Variants in CYP2C19 observed in about 807,000 individuals in gnomAD.
CYP2C19 encodes the protein cytochrome P450 2C19.
Under a neutral mutation model 40.9 loss-of-function variants are expected in CYP2C19, and 59 were observed. The observed-to-expected ratio is 1.44, with a 90% CI of 1.17 to 1.79. The LOEUF is 1.79. Ranked by LOEUF, CYP2C19 falls within the 40% of genes most tolerant of loss-of-function variation. The pLI is 0.00. For missense variants in CYP2C19, 754 were observed against 596.9 expected, an observed-to-expected ratio of 1.26 and a Z score of -2.74; for synonymous variants, 253 against 208.7, an observed-to-expected ratio of 1.21 and a Z score of -1.83.
intron 5 of CYP2C19, among the ~76,000 whole-genome samples, chr10:94,801,195 T>C (rs1332287752): frequency 6.6e-6 from 1 of 152,230 alleles, no homozygotes; most frequent in Non-Finnish European, 1.5e-5. Context: ...AGGATGCTGA[T>C]TTTAGATCTT....
intron 6 of CYP2C19, among the ~76,000 whole-genome samples, chr10:94,823,818 A>G (rs1233796633): frequency 1.3e-5 from 2 of 152,216 alleles, no homozygotes; most frequent in African/African-American, 2.4e-5. Flanking sequence ...TGCTTAATTC[A>G]AATGCCTGAA....
chr10:94,830,588 A>G (rs1849318175), intron 6 of CYP2C19, among the ~76,000 whole-genome samples: 1 of 152,220 alleles, frequency 6.6e-6, no homozygotes, highest in African/African-American at 2.4e-5. Context: ...CGGGTACCTC[A>G]GATGGAAATG....
intron 6 of CYP2C19, among the ~76,000 whole-genome samples, chr10:94,838,809 G>A (rs1849445842): frequency 6.6e-6 from 1 of 152,048 alleles, no homozygotes; most frequent in Non-Finnish European, 1.5e-5. Context: ...CACTCCATTT[G>A]CCTTTTTCCT....
At position 94,775,295 on chromosome 10, in the gene CYP2C19, C is replaced by A. The variant is rs17887022; in HGVS notation, c.331+75C>A. ...TGGAAAACAGACTAGCAGAGCTTCT[C>A]GGGCAGAGCTTGGCCCATCCACATG... On this transcript the variant is annotated intron_variant, in intron 2 of 8. Coordinates refer to ENST00000371321, the MANE Select transcript of CYP2C19 (RefSeq NM_000769.4). 19 of 1,612,600 alleles carry A rather than the reference C, an allele frequency of 1.2e-5. No individual in the cohort carries two copies. The Middle Eastern group carries it at 8.2e-4, about 69-fold the overall frequency.
rs781265742 is a variant in CYP2C19 at position 94,781,914 on chromosome 10, G to C, written c.736G>C (p.Glu246Gln). 95 of 1,499,602 alleles carry C rather than the reference G, an allele frequency of 6.3e-5. No homozygotes were observed. The highest frequency in any genetic ancestry group is 8.2e-5 in the Non-Finnish European group (93 of 1,136,026). 92.9% of individuals were successfully genotyped at this position (1,499,602 alleles called of 1,614,324 possible). The change falls in exon 5 of 9, where the codon GAG becomes CAG. Residue 246 changes from glutamate to glutamine, a missense_variant. Glu to Gln is a conservative substitution (Grantham distance 29). Transcript: ENST00000371321. ...TGCTTTTATGGAAAGTGATATTTTGGAGAAAGTAAAAGAACACCAAGAATC... is the reference window on the plus strand; with the variant it reads ...TGCTTTTATGGAAAGTGATATTTTGCAGAAAGTAAAAGAACACCAAGAATC... ...NLAFMESDIL[E>Q]KVKEHQESMD...
At chr10:94,808,306 G>T (rs143675394) in intron 5 of CYP2C19, among the ~76,000 whole-genome samples, 1 of 151,992 alleles carries the variant, frequency 6.6e-6, no homozygotes, top group Non-Finnish European at 1.5e-5. Context: ...ATGTTTCTGG[G>T]TACACAGAAG....
Position 94,853,375 on chromosome 10 carries a change from G to A in CYP2C19, c.*461G>A, listed in dbSNP as rs939675478. Among the ~76,000 whole-genome samples, 1 of 152,178 alleles carries A rather than the reference G, an allele frequency of 6.6e-6. No individual in the cohort carries two copies. Among genetic ancestry groups the A allele is most frequent in the Non-Finnish European group, 1.5e-5 (1 of 68,044 alleles). ...AACGATAAGGACAGAAAGGACAAAGGTGAAGATGGTAGGGAAGCTATTTTG... is the reference window on the plus strand; with the variant it reads ...AACGATAAGGACAGAAAGGACAAAGATGAAGATGGTAGGGAAGCTATTTTG... On this transcript the variant is annotated 3_prime_UTR_variant, in exon 9 of 9. Transcript: ENST00000371321.
chr10:94,786,466 G>T (rs985376683), intron 5 of CYP2C19, among the ~76,000 whole-genome samples: 7 of 151,994 alleles, frequency 4.6e-5, no homozygotes, highest in African/African-American at 1.2e-4. Context: ...CTTAAATTTT[G>T]TATTTAGTTA....
intron 7 of CYP2C19, among the ~76,000 whole-genome samples, chr10:94,846,373 G>A (rs1036269870): frequency 6.6e-6 from 1 of 152,176 alleles, no homozygotes; most frequent in Non-Finnish European, 1.5e-5. Context: ...AATCACAGTG[G>A]TGAGGCAGAG....
intron 3 of CYP2C19, chr10:94,776,277 CTG>C (rs1380315947): frequency 1.3e-5 from 2 of 151,954 alleles, no homozygotes; most frequent in Admixed American, 6.6e-5. Context: ...TTAGTAATAA[CTG>C]TAATTTTTAT....
intron 6 of CYP2C19, among the ~76,000 whole-genome samples, chr10:94,836,133 C>T (rs936021951): frequency 2.0e-5 from 3 of 152,212 alleles, no homozygotes; most frequent in Non-Finnish European, 4.4e-5. Flanking sequence ...GTAATAGAGC[C>T]TGATATTTAA....
chr10:94,832,056 A>C (rs1190801473), intron 6 of CYP2C19, among the ~76,000 whole-genome samples: 2 of 152,126 alleles, frequency 1.3e-5, no homozygotes, highest in Non-Finnish European at 2.9e-5. Flanking sequence ...TTAAGTTTTT[A>C]ATCCATTTTG....
In CYP2C19 at chr10:94,792,945, G is replaced by A. The variant is rs1283068362; in HGVS notation, c.819+10948G>A. On this transcript the variant is annotated intron_variant, in intron 5 of 8. Coordinates refer to ENST00000371321, the MANE Select transcript of CYP2C19 (RefSeq NM_000769.4). ...GTTCTCCTGGATAATATTCTGAAGA[G>A]TGTTTTCCAACTTGGTTCCATTCTC... 5.3e-5 allele frequency among the ~76,000 whole-genome samples: 8 copies of A among 152,272 alleles called. 1 individual carries two copies. Among genetic ancestry groups the A allele is most frequent in the Admixed American group, 5.2e-4 (8 of 15,296 alleles).
intron 6 of CYP2C19, among the ~76,000 whole-genome samples, chr10:94,838,652 A>T (rs1849442560): frequency 6.6e-6 from 1 of 151,962 alleles, no homozygotes; most frequent in Non-Finnish European, 1.5e-5. Flanking sequence ...GTTTGTGTTG[A>T]AGGGGGATCC....
chr10:94,766,371 C>A (rs770933625), intron 1 of CYP2C19, among the ~76,000 whole-genome samples: 1 of 151,880 alleles, frequency 6.6e-6, no homozygotes, highest in Non-Finnish European at 1.5e-5. Flanking sequence ...AGATGGTGCT[C>A]TGGAAGATGA....
intron 3 of CYP2C19, among the ~76,000 whole-genome samples, chr10:94,776,915 C>T (rs1848414588): frequency 6.6e-6 from 1 of 152,052 alleles, no homozygotes; most frequent in African/African-American, 2.4e-5. Flanking sequence ...TTGTCTCATC[C>T]CCAAAACTGT....
intron 6 of CYP2C19, among the ~76,000 whole-genome samples, chr10:94,823,902 C>A (rs980317310): frequency 6.6e-6 from 1 of 152,150 alleles, no homozygotes; most frequent in African/African-American, 2.4e-5. Flanking sequence ...GGGAGGCTGC[C>A]TTGCACCAGG....
At chr10:94,773,470 G>C (rs528812583) in intron 1 of CYP2C19, among the ~76,000 whole-genome samples, 9 of 152,116 alleles carry the variant, frequency 5.9e-5, no homozygotes, top group African/African-American at 2.2e-4. Flanking sequence ...ATCCAGAGTT[G>C]TTCATTCCTC....
At chr10:94,770,141 T>G (rs1848307274) in intron 1 of CYP2C19, among the ~76,000 whole-genome samples, 2 of 152,022 alleles carry the variant, frequency 1.3e-5, no homozygotes, top group African/African-American at 2.4e-5. Flanking sequence ...CCTCAATGGT[T>G]AAACATACCC....
Sources: allele counts gnomAD v4.1 joint callset (sites outside exome capture counted in the v4.1 genomes callset), GRCh38; gene constraint gnomAD v4.1.1; transcripts MANE v1.5; gene names NCBI Gene and HGNC (gene_info 2026-07-23, HGNC 2026-07-21).